The following TRAPPC9 variants were observed in gnomAD, a reference collection of about 807,000 sequenced individuals.
The protein encoded by TRAPPC9 is IKK2 binding protein.
TRAPPC9 carries 83 observed loss-of-function variants against 124.0 expected under a neutral mutation model. That is an observed-to-expected ratio of 0.67 (90% CI 0.56 to 0.80). The LOEUF is 0.80. Ranked by LOEUF, TRAPPC9 falls within the 30% of genes least tolerant of loss-of-function variation. The pLI is 0.00. For missense variants in TRAPPC9, 1,302 were observed against 1,508.3 expected (o/e 0.86, Z 2.27); for synonymous variants, 638 against 617.5 (o/e 1.03, Z -0.49).
intron 9 of TRAPPC9, among the ~76,000 whole-genome samples, chr8:140,328,547 G>A (rs544088101): frequency 1.3e-5 from 2 of 151,984 alleles, no homozygotes; most frequent in African/African-American, 4.8e-5. Flanking sequence ...AGGATGCAAA[G>A]GCACAAGAAT....
intron 8 of TRAPPC9, among the ~76,000 whole-genome samples, chr8:140,367,813 C>G (rs1448681476): frequency 6.6e-6 from 1 of 152,116 alleles, no homozygotes; most frequent in Non-Finnish European, 1.5e-5. Context: ...GTGGGGAAGT[C>G]TGTGCGTCTG....
chr8:140,045,836 C>T (rs1841560838), intron 17 of TRAPPC9, among the ~76,000 whole-genome samples: 1 of 151,814 alleles, frequency 6.6e-6, no homozygotes, highest in Non-Finnish European at 1.5e-5. Context: ...ATCCTTTCAC[C>T]AAATGGTGGT....
chr8:140,373,805 G>A (rs146373417), intron 7 of TRAPPC9, among the ~76,000 whole-genome samples: 1 of 152,214 alleles, frequency 6.6e-6, no homozygotes, highest in East Asian at 1.9e-4. Context: ...ATGATCACTG[G>A]CCACTGGTAT....
chr8:140,294,929 T>C (rs2065764013), intron 11 of TRAPPC9, among the ~76,000 whole-genome samples: 1 of 152,190 alleles, frequency 6.6e-6, no homozygotes, highest in South Asian at 2.1e-4. Flanking sequence ...TGATTTTTGC[T>C]GAAAGAAGGA....
At chr8:139,924,109 G>C (rs1832669192) in intron 19 of TRAPPC9, among the ~76,000 whole-genome samples, 1 of 152,114 alleles carries the variant, frequency 6.6e-6, no homozygotes, top group Non-Finnish European at 1.5e-5. Context: ...AGAACTCCAG[G>C]GTGTGGAGTC....
chr8:140,131,128 C>T (rs1034703016), intron 17 of TRAPPC9, among the ~76,000 whole-genome samples: 3 of 152,160 alleles, frequency 2.0e-5, no homozygotes, highest in Non-Finnish European at 4.4e-5. Context: ...AACCAATCCT[C>T]TATTATTTCA....
intron 21 of TRAPPC9, among the ~76,000 whole-genome samples, chr8:139,868,334 C>T: frequency 6.6e-6 from 1 of 152,098 alleles, no homozygotes; most frequent in East Asian, 1.9e-4. Context: ...CCAGCCTGGG[C>T]AACAGAGCGA....
At chr8:139,793,338 C>T (rs981934509) in intron 21 of TRAPPC9, among the ~76,000 whole-genome samples, 9 of 152,198 alleles carry the variant, frequency 5.9e-5, no homozygotes, top group Non-Finnish European at 1.2e-4. Flanking sequence ...GTGTGCCCTG[C>T]ACTACTTGAT....
chr8:140,209,147 T>C (rs945759952), intron 17 of TRAPPC9, among the ~76,000 whole-genome samples: 9 of 152,246 alleles, frequency 5.9e-5, no homozygotes, highest in African/African-American at 1.7e-4. Flanking sequence ...GGCATCTCTG[T>C]GGTGAGGCCT....
chr8:140,340,625 A>C (rs2067167322), intron 9 of TRAPPC9, among the ~76,000 whole-genome samples: 1 of 152,246 alleles, frequency 6.6e-6, no homozygotes, highest in African/African-American at 2.4e-5. Context: ...TGGTAAAGTC[A>C]GTAAATTGTC....
chr8:140,082,965 C>A (rs145106231), intron 17 of TRAPPC9, among the ~76,000 whole-genome samples: 2,404 of 152,230 alleles, frequency 0.016, 68 homozygotes, highest in African/African-American at 0.055. Flanking sequence ...GTGGCCGAGG[C>A]AGGTGGATCA....
chr8:139,879,924 C>T (rs918578697), intron 21 of TRAPPC9, among the ~76,000 whole-genome samples: 13 of 152,194 alleles, frequency 8.5e-5, no homozygotes, highest in African/African-American at 2.9e-4. Flanking sequence ...TGGCAAAACA[C>T]AGCAAACTTG....
intron 20 of TRAPPC9, among the ~76,000 whole-genome samples, chr8:139,899,414 G>A (rs551206946): frequency 9.2e-5 from 14 of 152,210 alleles, no homozygotes; most frequent in African/African-American, 3.1e-4. Flanking sequence ...AAAATCATGA[G>A]GAAGAGAGGA....
chr8:140,317,076 T>C (rs2066462005), intron 9 of TRAPPC9, among the ~76,000 whole-genome samples: 1 of 152,230 alleles, frequency 6.6e-6, no homozygotes, highest in African/African-American at 2.4e-5. Flanking sequence ...TTCTCCTTTT[T>C]GATCTCTGAT....
intron 17 of TRAPPC9, among the ~76,000 whole-genome samples, chr8:140,038,549 T>C (rs1275536662): frequency 6.6e-6 from 1 of 152,020 alleles, no homozygotes; most frequent in Non-Finnish European, 1.5e-5. Context: ...GATGGATGAG[T>C]GGCCCTGGCT....
At chr8:140,456,095 C>T (rs917562486) in intron 1 of TRAPPC9, among the ~76,000 whole-genome samples, 1 of 152,052 alleles carries the variant, frequency 6.6e-6, no homozygotes, top group Admixed American at 6.6e-5. Flanking sequence ...ACAATGGTAA[C>T]ACAAGTGTGA....
intron 20 of TRAPPC9, among the ~76,000 whole-genome samples, chr8:139,890,537 G>A (rs1394891107): frequency 6.6e-6 from 1 of 152,214 alleles, no homozygotes; most frequent in African/African-American, 2.4e-5. Context: ...GCTCACAGGT[G>A]GAGAGAGGGC....
chr8:139,861,541 G>A (rs1440984264), intron 21 of TRAPPC9, among the ~76,000 whole-genome samples: 1 of 152,222 alleles, frequency 6.6e-6, no homozygotes, highest in Non-Finnish European at 1.5e-5. Flanking sequence ...AGGGGGCGAA[G>A]AGAACCAGGA....
At chr8:140,416,449 G>A (rs1198930200) in intron 5 of TRAPPC9, among the ~76,000 whole-genome samples, 1 of 152,178 alleles carries the variant, frequency 6.6e-6, no homozygotes, top group East Asian at 1.9e-4. Flanking sequence ...GCCAAATCAT[G>A]AGTGAACTCC....
Sources: gnomAD v4.1 joint callset for allele counts (sites outside exome capture counted in the v4.1 genomes callset) on GRCh38, gnomAD v4.1.1 for gene constraint, MANE v1.5 for transcripts, NCBI Gene and HGNC (gene_info 2026-07-23, HGNC 2026-07-21) for gene names.